TANGO6: variants seen among roughly 807,000 people sequenced by gnomAD.
TANGO6 encodes transport and Golgi organization protein 6 homolog.
TANGO6 carries 90 observed loss-of-function variants against 114.2 expected under a neutral mutation model. That is an observed-to-expected ratio of 0.79 (90% CI 0.66 to 0.94). The LOEUF is 0.94. Ranked by LOEUF, TANGO6 falls within the 40% of genes least tolerant of loss-of-function variation. TANGO6 has a pLI of 0.00. For synonymous variants in TANGO6, 477 were observed against 509.8 expected (o/e 0.94, Z 0.87); for missense variants, 1,274 against 1,315.3 (o/e 0.97, Z 0.49).
At chr16:68,945,459 A>G (rs1963403836) in intron 14 of TANGO6, among the ~76,000 whole-genome samples, 2 of 152,122 alleles carry the variant, frequency 1.3e-5, no homozygotes, top group Admixed American at 6.5e-5. Context: ...GGGCAATATT[A>G]TGTGCACTGC....
At chr16:68,965,905 T>G (rs1963640528) in intron 14 of TANGO6, among the ~76,000 whole-genome samples, 1 of 152,078 alleles carries the variant, frequency 6.6e-6, no homozygotes, top group Non-Finnish European at 1.5e-5. Flanking sequence ...TTTTGAGATA[T>G]AAGTCACATA....
At position 69,008,527 on chromosome 16, in the gene TANGO6, G is replaced by A. The variant is rs140777511; in HGVS notation, c.2843-14301G>A. ...CTCCCAAAGGGCTGAGATTACAGGCGTAAGCCACTGTGCCTGGCCTTGTAT... is the reference window on the plus strand; with the variant it reads ...CTCCCAAAGGGCTGAGATTACAGGCATAAGCCACTGTGCCTGGCCTTGTAT... On this transcript the variant is annotated intron_variant, in intron 15 of 17. Transcript: ENST00000261778. Among the ~76,000 whole-genome samples, 9 of 152,212 alleles carry A rather than the reference G, an allele frequency of 5.9e-5. No individual in the cohort carries two copies. The East Asian group carries it at 1.5e-3, about 26-fold the overall frequency.
chr16:69,077,542 C>T (rs1960399059), intron 17 of TANGO6, among the ~76,000 whole-genome samples: 2 of 152,214 alleles, frequency 1.3e-5, no homozygotes, highest in Middle Eastern at 3.4e-3. Context: ...AAAGGCAAGG[C>T]TGCCAGGCAT....
intron 14 of TANGO6, among the ~76,000 whole-genome samples, chr16:68,963,846 T>C (rs1963618786): frequency 6.6e-6 from 1 of 152,344 alleles, no homozygotes; most frequent in Non-Finnish European, 1.5e-5. Context: ...ATAATTTTGC[T>C]CTAGTTTTGT....
chr16:68,987,021 G>A (rs1846493904), intron 15 of TANGO6, among the ~76,000 whole-genome samples: 1 of 152,208 alleles, frequency 6.6e-6, no homozygotes, highest in Non-Finnish European at 1.5e-5. Context: ...AGGCTACGGT[G>A]AGTTCCAATT....
At chr16:68,933,951 T>C (rs1963273815) in intron 14 of TANGO6, 1 of 152,132 alleles carries the variant, frequency 6.6e-6, no homozygotes, top group Non-Finnish European at 1.5e-5. Flanking sequence ...AATGTGGATA[T>C]GCTCTATACA....
intron 5 of TANGO6, 147 bp from the exon 6 acceptor site, chr16:68,877,971 G>A (rs1364077696): frequency 3.6e-5 from 24 of 675,630 alleles, no homozygotes; most frequent in Non-Finnish European, 5.5e-5. Flanking sequence ...TTTGATACTG[G>A]GTATGTTAAA....
Position 68,869,518 on chromosome 16 carries a change from G to A in TANGO6, c.994+2298G>A, listed in dbSNP as rs564041836. Among the ~76,000 whole-genome samples the A allele has an allele frequency of 2.0e-5, 3 of 152,298 alleles. No individual in the cohort carries two copies. In the South Asian group the frequency reaches 6.2e-4, roughly 32 times the overall value. On this transcript the variant is annotated intron_variant, in intron 4 of 17. Coordinates refer to ENST00000261778, the MANE Select transcript of TANGO6 (RefSeq NM_024562.2). ...CAAAAACCCACCAGATATTCTATCA[G>A]TTTTATCTTCTTGGAAACATCTTTC...
intron 14 of TANGO6, among the ~76,000 whole-genome samples, chr16:68,947,242 G>T (rs1308194500): frequency 6.6e-6 from 1 of 152,110 alleles, no homozygotes; most frequent in African/African-American, 2.4e-5. Context: ...CGGATCACGA[G>T]GTCAGGAAAT....
chr16:68,971,112 A>T (rs1000396708), intron 14 of TANGO6, among the ~76,000 whole-genome samples: 1 of 150,598 alleles, frequency 6.6e-6, no homozygotes, highest in Admixed American at 6.7e-5. Flanking sequence ...AGATCAAGCC[A>T]TTGCACTCCA....
At chr16:68,914,528 C>T (rs1962972007) in intron 11 of TANGO6, among the ~76,000 whole-genome samples, 1 of 152,114 alleles carries the variant, frequency 6.6e-6, no homozygotes, top group South Asian at 2.1e-4. Flanking sequence ...TTCTGTAGAG[C>T]CTGAATCAGA....
At chr16:69,047,848 CTCTT>C (rs1959887155) in intron 17 of TANGO6, among the ~76,000 whole-genome samples, 1 of 152,098 alleles carries the variant, frequency 6.6e-6, no homozygotes, top group Non-Finnish European at 1.5e-5. Context: ...TATATTGAAA[CTCTT>C]TCCCTTGCTT....
rs1451179413 is a variant in TANGO6, at chr16:69,049,318, AT to A, written c.3108+8900del. On this transcript the variant is annotated intron_variant, in intron 17 of 17. Transcript: ENST00000261778. ...CACTATGGATTTGCCTATTCTAGAC[AT>A]TTCATATAAATGAGTCATACAATAT... Among the ~76,000 whole-genome samples, 7 of 151,746 alleles carry A rather than the reference AT, an allele frequency of 4.6e-5. No homozygotes were observed. In the East Asian group the frequency reaches 1.4e-3, roughly 29 times the overall value.
At chr16:68,981,123 C>T (rs1444364483) in intron 15 of TANGO6, among the ~76,000 whole-genome samples, 1 of 151,964 alleles carries the variant, frequency 6.6e-6, no homozygotes, top group Non-Finnish European at 1.5e-5. Flanking sequence ...AAATGTTTTT[C>T]CATCTGTTTC....
intron 17 of TANGO6, among the ~76,000 whole-genome samples, chr16:69,070,803 C>T (rs1029536174): frequency 4.0e-5 from 6 of 149,630 alleles, no homozygotes; most frequent in South Asian, 2.1e-4. Context: ...GACGGAATTT[C>T]GCTCTGGTTG....
intron 14 of TANGO6, among the ~76,000 whole-genome samples, chr16:68,943,219 T>C (rs1387492358): frequency 2.0e-5 from 3 of 151,020 alleles, no homozygotes; most frequent in Admixed American, 6.6e-5. Flanking sequence ...ATTTATATTC[T>C]TATTTTTATT....
chr16:69,042,934 T>C (rs1032248967), intron 17 of TANGO6, among the ~76,000 whole-genome samples: 12 of 152,128 alleles, frequency 7.9e-5, no homozygotes, highest in Non-Finnish European at 1.6e-4. Context: ...TATTTGAAAA[T>C]ACAAGTTGGT....
intron 14 of TANGO6, among the ~76,000 whole-genome samples, chr16:68,943,884 A>AG (rs1963385605): frequency 1.3e-5 from 2 of 152,330 alleles, no homozygotes; most frequent in South Asian, 4.1e-4. Context: ...TCAGCATGCC[A>AG]GCCTAGCTGA....
intron 4 of TANGO6, among the ~76,000 whole-genome samples, chr16:68,869,476 T>TCAAACAAA (rs555689009): frequency 6.6e-6 from 1 of 152,166 alleles, no homozygotes; most frequent in Non-Finnish European, 1.5e-5. Context: ...ATATCCTGTG[T>TCAAACAAA]CAAACAAACA....
Sources: allele counts gnomAD v4.1 joint callset (sites outside exome capture counted in the v4.1 genomes callset), GRCh38; gene constraint gnomAD v4.1.1; transcripts MANE v1.5; gene names NCBI Gene and HGNC (gene_info 2026-07-23, HGNC 2026-07-21).